The following SLC30A3 variants were observed in gnomAD, a reference collection of about 807,000 sequenced individuals.
SLC30A3 encodes the protein probable proton-coupled zinc antiporter SLC30A3.
SLC30A3 carries 20 observed loss-of-function variants against 35.6 expected under a neutral mutation model. The observed-to-expected ratio is 0.56, with a 90% CI of 0.39 to 0.82. The LOEUF (loss-of-function observed/expected upper bound fraction) is 0.82. SLC30A3 is among the 40% of genes least tolerant of loss of function. The pLI is 0.00. For missense variants in SLC30A3, 401 were observed against 530.6 expected (o/e 0.76, Z 2.40); for synonymous variants, 217 against 224.7 (o/e 0.97, Z 0.31).
upstream of SLC30A3, chr2:27,263,391 C>T (rs779645183): frequency 6.6e-5 from 30 of 453,126 alleles, no homozygotes; most frequent in South Asian, 4.2e-4. Context: ...GCGGGGGTGT[C>T]GCCCACCACG....
In SLC30A3 at chr2:27,259,024, G is replaced by C. The variant is rs946071575; in HGVS notation, c.96-90C>G. On this transcript the variant is annotated intron_variant, in intron 1 of 7. Transcript: ENST00000233535. ...TTAGTCCCCAGTGCTGGCCTCATCAGACCATCTCCTTCCCCAGGCCTGGTC... is the reference window on the plus strand; with the variant it reads ...TTAGTCCCCAGTGCTGGCCTCATCACACCATCTCCTTCCCCAGGCCTGGTC... 36 of 1,035,786 alleles carry C rather than the reference G, an allele frequency of 3.5e-5. No individual in the cohort carries two copies. The African/African-American group carries it at 5.8e-4, about 17-fold the overall frequency. The allele number at this position is 1,035,786 out of a possible 1,614,324, so 64.2% of individuals were successfully genotyped here. A position where few individuals can be genotyped will look rare whatever the true frequency, so the allele number is the denominator to read the frequency against.
Position 27,262,856 on chromosome 2 carries a change from G to A in SLC30A3, c.51C>T (p.Ser17=), listed in dbSNP as rs766532419. 48 of 1,564,838 alleles carry A rather than the reference G, an allele frequency of 3.1e-5. No homozygotes were observed. The highest frequency in any genetic ancestry group is 3.4e-5 in the Non-Finnish European group (39 of 1,160,908). Residue 17 remains serine, a synonymous_variant, in exon 1 of 8, where the codon AGC becomes AGT. Transcript: ENST00000233535. This position sits in a 1 kb window ranked among gnomAD's most constrained non-coding sequence, Gnocchi z 7.5. ...CTCCGGCGCCACCGCGGTCCCGGGGGCTCACCAGGCGAGTGGTCTCCAAGC... is the reference window on the plus strand; with the variant it reads ...CTCCGGCGCCACCGCGGTCCCGGGGACTCACCAGGCGAGTGGTCTCCAAGC... ...AGGLETTRLV[S]PRDRGGAGGS... is the part of the protein sequence containing the mutation.
upstream of SLC30A3, among the ~76,000 whole-genome samples, chr2:27,266,551 T>G (rs1420126210): frequency 1.5e-4 from 23 of 152,104 alleles, no homozygotes; most frequent in East Asian, 1.9e-4. Context: ...ACATAGAGAG[T>G]CACTGTACCA....
chr2:27,273,812 T>TC (rs1191264532), intron 1 of SLC30A3, among the ~76,000 whole-genome samples: 1 of 151,366 alleles, frequency 6.6e-6, no homozygotes, highest in Non-Finnish European at 1.5e-5. Flanking sequence ...TGCCTTCTGC[T>TC]CTCTCTACCC....
At position 27,258,504 on chromosome 2, in the gene SLC30A3, T is replaced by C. The variant is rs1237373783; in HGVS notation, c.278-197A>G. The C allele has an allele frequency of 1.5e-6, 1 of 671,192 alleles. No individual in the cohort carries two copies. The highest frequency in any genetic ancestry group is 1.8e-5 in the African/African-American group (1 of 54,766). The allele number at this position is 671,192 out of a possible 1,614,324, so 41.6% of individuals were successfully genotyped here. Reference sequence around the variant, plus strand: ...GTATTTTATTTTCTACAATGATTTATTTTAATAACAAGAAAATAGGGTTTT... The same window carrying C: ...GTATTTTATTTTCTACAATGATTTACTTTAATAACAAGAAAATAGGGTTTT... On this transcript the variant is annotated intron_variant, in intron 2 of 7. Transcript: ENST00000233535. This position sits in a 1 kb window ranked among gnomAD's most constrained non-coding sequence, Gnocchi z 4.0.
intron 1 of SLC30A3, among the ~76,000 whole-genome samples, chr2:27,274,670 T>TAA (rs1241456202): frequency 1.6e-5 from 2 of 128,282 alleles, no homozygotes; most frequent in African/African-American, 6.2e-5. Context: ...ATCAAGAGCG[T>TAA]AAAAAAAAAA....
chr2:27,258,390 T>C lies in SLC30A3; in HGVS notation c.278-83A>G. 1.5e-6 allele frequency: 2 copies of C among 1,360,232 alleles called. No individual in the cohort carries two copies. Among genetic ancestry groups the C allele is most frequent in the Non-Finnish European group, 9.8e-7 (1 of 1,022,602 alleles). The allele number at this position is 1,360,232 out of a possible 1,614,324, so 84.3% of individuals were successfully genotyped here. ...TAGGCATGGAAAATAAATTGGGGGA[T>C]ATACACCAAAAATGTGATTTGGGGT... On this transcript the variant is annotated intron_variant, in intron 2 of 7. Coordinates refer to ENST00000233535, the MANE Select transcript of SLC30A3 (RefSeq NM_003459.5). The surrounding 1 kb of genome is among the most constrained non-coding windows in gnomAD (Gnocchi z 4.0).
chr2:27,270,414 G>A (rs1677682821), intron 1 of SLC30A3, among the ~76,000 whole-genome samples: 1 of 152,076 alleles, frequency 6.6e-6, no homozygotes. Context: ...AGAGGCTGAG[G>A]AGAAGGATGT....
At chr2:27,274,668 C>G (rs898226893) in intron 1 of SLC30A3, among the ~76,000 whole-genome samples, 5 of 143,556 alleles carry the variant, frequency 3.5e-5, no homozygotes, top group African/African-American at 5.3e-5. Context: ...AGATCAAGAG[C>G]GTAAAAAAAA....
rs751131086 is a variant in SLC30A3 at position 27,257,223 on chromosome 2, A to C, written c.708T>G (p.Phe236Leu). 1 of 1,614,050 alleles carries C rather than the reference A, an allele frequency of 6.2e-7. No individual in the cohort carries two copies. The highest frequency in any genetic ancestry group is 8.5e-7 in the Non-Finnish European group (1 of 1,179,962). Reference protein sequence around the residue: ...PLGNTSVRAAFVHVLGDLLQS... With the variant: ...PLGNTSVRAALVHVLGDLLQS... ...GCAGGAGGTCCCCCAGCACGTGCAC[A>C]AATGCCGCCCGGACGCTGGTGTTCC... The change falls in exon 5 of 8, where the codon TTT becomes TTG. Residue 236 changes from phenylalanine to leucine, a missense_variant. Phe to Leu is a conservative substitution (Grantham distance 22). Transcript: ENST00000233535. This position sits in a 1 kb window ranked among gnomAD's most constrained non-coding sequence, Gnocchi z 4.7.
In SLC30A3 at chr2:27,257,512, G is replaced by A. The variant is rs1406220283; in HGVS notation, c.579-160C>T. 4.2e-6 allele frequency: 3 copies of A among 707,948 alleles called. No individual in the cohort carries two copies. Among genetic ancestry groups the A allele is most frequent in the South Asian group, 3.5e-5 (2 of 57,906 alleles). 43.9% of individuals were successfully genotyped at this position (707,948 alleles called of 1,614,324 possible). ...ATGCAGCCTGGGGGAAAGAATACCA[G>A]ACTTGGTGCCACACATGTGGATTCG... On this transcript the variant is annotated intron_variant, in intron 4 of 7. Transcript: ENST00000233535. The surrounding 1 kb of genome is among the most constrained non-coding windows in gnomAD (Gnocchi z 4.7).
Position 27,258,918 on chromosome 2 carries a change from A to AGGGCTCTGT in SLC30A3, c.103_111dup (p.Thr35_Pro37dup). 6.2e-7 allele frequency: 1 copy of AGGGCTCTGT among 1,602,950 alleles called. No homozygotes were observed. Among genetic ancestry groups the AGGGCTCTGT allele is most frequent in the South Asian group, 1.1e-5 (1 of 89,730 alleles). On this transcript the variant is annotated inframe_insertion, in exon 2 of 8. Coordinates refer to ENST00000233535, the MANE Select transcript of SLC30A3 (RefSeq NM_003459.5). The surrounding 1 kb of genome is among the most constrained non-coding windows in gnomAD (Gnocchi z 4.0). ...TTGGACTCCTCAGGGAGGGGCTCTG[A>AGGGCTCTGT]GGGCTCTGTGAAGAGACTGAGGCAA...
At chr2:27,274,670 T>TA (rs1241456202) in intron 1 of SLC30A3, among the ~76,000 whole-genome samples, 78 of 128,282 alleles carry the variant, frequency 6.1e-4, no homozygotes, top group African/African-American at 2.0e-3. Context: ...ATCAAGAGCG[T>TA]AAAAAAAAAA....
chr2:27,258,725 G>A lies in SLC30A3; in HGVS notation c.277+28C>T, dbSNP rs1677014217. 1 of 1,612,242 alleles carries A rather than the reference G, an allele frequency of 6.2e-7. No homozygotes were observed. The highest frequency in any genetic ancestry group is 1.3e-5 in the African/African-American group (1 of 75,000). Reference sequence around the variant, plus strand: ...TGGCTTGGGCAGGTATTTGGAGAATGGGGTTTAAGGGCTGCTCCCCAACTT... The same window carrying A: ...TGGCTTGGGCAGGTATTTGGAGAATAGGGTTTAAGGGCTGCTCCCCAACTT... On this transcript the variant is annotated intron_variant, in intron 2 of 7. Coordinates refer to ENST00000233535, the MANE Select transcript of SLC30A3 (RefSeq NM_003459.5). The surrounding 1 kb of genome is among the most constrained non-coding windows in gnomAD (Gnocchi z 4.0).
Position 27,262,784 on chromosome 2 carries a change from G to A in SLC30A3, c.95+28C>T. 1 of 1,516,152 alleles carries A rather than the reference G, an allele frequency of 6.6e-7. No homozygotes were observed. Among genetic ancestry groups the A allele is most frequent in the Non-Finnish European group, 8.8e-7 (1 of 1,138,854 alleles). The allele number at this position is 1,516,152 out of a possible 1,614,324, so 93.9% of individuals were successfully genotyped here. A position where few individuals can be genotyped will look rare whatever the true frequency, so the allele number is the denominator to read the frequency against. Reference sequence around the variant, plus strand: ...GAGGGTAGTAGGGTGGCGCCCCCGGGCCGAGGGCCAGCCCAGGTCTGTCCT... The same window carrying A: ...GAGGGTAGTAGGGTGGCGCCCCCGGACCGAGGGCCAGCCCAGGTCTGTCCT... On this transcript the variant is annotated intron_variant, in intron 1 of 7. Transcript: ENST00000233535. The surrounding 1 kb of genome is among the most constrained non-coding windows in gnomAD (Gnocchi z 7.5).
Position 27,262,705 on chromosome 2 carries a change from G to C in SLC30A3, c.95+107C>G. On this transcript the variant is annotated intron_variant, in intron 1 of 7. Transcript: ENST00000233535. This position sits in a 1 kb window ranked among gnomAD's most constrained non-coding sequence, Gnocchi z 7.5. ...GGGTGCAGCGGAGCGAGGGACCCGCGGTGCGCTGGGGCGGCCGCCGGGGCC... is the reference window on the plus strand; with the variant it reads ...GGGTGCAGCGGAGCGAGGGACCCGCCGTGCGCTGGGGCGGCCGCCGGGGCC... 9.1e-7 allele frequency: 1 copy of C among 1,097,674 alleles called. No individual in the cohort carries two copies. Among genetic ancestry groups the C allele is most frequent in the Non-Finnish European group, 1.2e-6 (1 of 806,332 alleles). The allele number at this position is 1,097,674 out of a possible 1,614,324, so 68.0% of individuals were successfully genotyped here. A position where few individuals can be genotyped will look rare whatever the true frequency, so the allele number is the denominator to read the frequency against.
At position 27,254,790 on chromosome 2, in the gene SLC30A3, AC is replaced by A; in HGVS notation, c.*521del. On this transcript the variant is annotated 3_prime_UTR_variant, in exon 8 of 8. Coordinates refer to ENST00000233535, the MANE Select transcript of SLC30A3 (RefSeq NM_003459.5). The stretch of plus-strand genomic sequence containing the variant: ...CACACACACACACACACACACACAC[AC>A]ACACACACAGACAAAACCACAGGGC... 1 of 282,674 alleles carries A rather than the reference AC, an allele frequency of 3.5e-6. No homozygotes were observed. 17.5% of individuals were successfully genotyped at this position (282,674 alleles called of 1,614,324 possible).
chr2:27,254,785 C>T lies in SLC30A3; in HGVS notation c.*527G>A. 3.7e-6 allele frequency: 1 copy of T among 273,152 alleles called. No homozygotes were observed. The highest frequency in any genetic ancestry group is 7.0e-6 in the Non-Finnish European group (1 of 143,132). 16.9% of individuals were successfully genotyped at this position (273,152 alleles called of 1,614,324 possible). ...ACACACACACACACACACACACACACACACACACACACACAGACAAAACCA... is the reference window on the plus strand; with the variant it reads ...ACACACACACACACACACACACACATACACACACACACACAGACAAAACCA... On this transcript the variant is annotated 3_prime_UTR_variant, in exon 8 of 8. Transcript: ENST00000233535.
In SLC30A3 at chr2:27,257,933, C is replaced by T. The variant is rs543736904; in HGVS notation, c.550G>A (p.Ala184Thr). The change falls in exon 4 of 8, where the codon GCC becomes ACC. Residue 184 changes from alanine (A) to threonine (T), a missense_variant. Physicochemically the swap from Ala to Thr is moderately conservative, Grantham distance 58. This residue lies in a region of SLC30A3 where 296 missense variants were observed against 392.6 expected (regional missense o/e 0.75). Coordinates refer to ENST00000233535, the MANE Select transcript of SLC30A3 (RefSeq NM_003459.5). The surrounding 1 kb of genome is among the most constrained non-coding windows in gnomAD (Gnocchi z 4.7). Reference protein sequence around the residue: ...HIEGGAMLLTASIAVCANLLM... With the variant: ...HIEGGAMLLTTSIAVCANLLM... The stretch of plus-strand genomic sequence containing the variant: ...AGGTTGGCACAGACTGCGATGCTGG[C>T]GGTCAGCAGCATGGCACCCCCCTCG... The T allele has an allele frequency of 2.5e-6, 4 of 1,614,066 alleles. No homozygotes were observed. The highest frequency in any genetic ancestry group is 2.2e-5 in the East Asian group (1 of 44,884).
Sources: gnomAD v4.1 joint callset for allele counts (sites outside exome capture counted in the v4.1 genomes callset) on GRCh38, gnomAD v4.1.1 for gene constraint, gnomAD v4.1.1 regional missense constraint, Gnocchi (gnomAD v3.1) non-coding constraint, MANE v1.5 for transcripts, NCBI Gene and HGNC (gene_info 2026-07-23, HGNC 2026-07-21) for gene names.